Variants in TDRD3 observed in about 807,000 individuals in gnomAD.
TDRD3 encodes tudor domain containing 3.
TDRD3 carries 45 observed loss-of-function variants against 86.7 expected under a neutral mutation model. The observed-to-expected ratio is 0.52, with a 90% CI of 0.41 to 0.67. The LOEUF (loss-of-function observed/expected upper bound fraction) is 0.67, where lower values mean the gene tolerates loss of function less well. Ranked by LOEUF, TDRD3 falls within the 30% of genes least tolerant of loss-of-function variation. The probability of loss-of-function intolerance (pLI) is 0.00; values close to 1 mark genes in which losing one functional copy is unlikely to be tolerated. For missense variants in TDRD3, 814 were observed against 889.0 expected (o/e 0.92, Z 1.07); for synonymous variants, 298 against 301.7 (o/e 0.99, Z 0.13).
At chr13:60,436,861 A>G (rs1331277780) in intron 1 of TDRD3, among the ~76,000 whole-genome samples, 1 of 152,168 alleles carries the variant, frequency 6.6e-6, no homozygotes, top group Non-Finnish European at 1.5e-5. Context: ...AAACTTGAAT[A>G]TCTAATAATT....
upstream of TDRD3, chr13:60,397,187 C>T: frequency 2.4e-6 from 1 of 412,490 alleles, no homozygotes; most frequent in Non-Finnish European, 4.3e-6. Context: ...GAAAACGCGG[C>T]GAGCGGAACC....
chr13:60,572,375 AAG>A (rs1958606540), intron 13 of TDRD3, among the ~76,000 whole-genome samples: 1 of 152,222 alleles, frequency 6.6e-6, no homozygotes, highest in Admixed American at 6.5e-5. Flanking sequence ...ACTTTTGATT[AAG>A]AGAGTGATAT....
chr13:60,514,910 T>C (rs1957135474), intron 10 of TDRD3, among the ~76,000 whole-genome samples: 2 of 152,216 alleles, frequency 1.3e-5, no homozygotes, highest in African/African-American at 4.8e-5. Context: ...TTGTATGTGT[T>C]GTGGGGAATT....
chr13:60,479,085 G>A (rs1445152799), intron 5 of TDRD3, among the ~76,000 whole-genome samples: 1 of 152,064 alleles, frequency 6.6e-6, no homozygotes, highest in Non-Finnish European at 1.5e-5. Context: ...GGGATTAGAG[G>A]CATGAGCCAC....
At chr13:60,458,128 T>C (rs768267915) in intron 3 of TDRD3, among the ~76,000 whole-genome samples, 4 of 152,136 alleles carry the variant, frequency 2.6e-5, no homozygotes, top group Admixed American at 1.3e-4. Flanking sequence ...AAATCGGCAT[T>C]TGGGGGCAGG....
intron 1 of TDRD3, among the ~76,000 whole-genome samples, chr13:60,414,851 T>G (rs771470564): frequency 4.2e-4 from 64 of 152,116 alleles, no homozygotes; most frequent in Non-Finnish European, 7.9e-4. Context: ...TGGACAACTT[T>G]TGGATTCTGT....
intron 10 of TDRD3, among the ~76,000 whole-genome samples, chr13:60,523,002 A>G (rs1957323623): frequency 9.0e-6 from 1 of 110,588 alleles, no homozygotes; most frequent in Non-Finnish European, 2.1e-5. Context: ...GTTGAGGCAC[A>G]TTATTTTTTC....
intron 10 of TDRD3, among the ~76,000 whole-genome samples, chr13:60,518,511 A>T (rs1022720756): frequency 6.6e-6 from 1 of 152,156 alleles, no homozygotes; most frequent in African/African-American, 2.4e-5. Flanking sequence ...CTCACCTAGA[A>T]TTGTGATTTA....
chr13:60,471,652 C>A (rs1956078199), intron 5 of TDRD3, among the ~76,000 whole-genome samples: 1 of 152,046 alleles, frequency 6.6e-6, no homozygotes, highest in Admixed American at 6.6e-5. Flanking sequence ...ATGGGAAGTC[C>A]TTTTCACATT....
At chr13:60,541,146 ATTCTTTCTTTCT>A (rs138633350) in intron 12 of TDRD3, among the ~76,000 whole-genome samples, 20,764 of 149,840 alleles carry the variant, frequency 0.14, 1,503 homozygotes, top group South Asian at 0.2. Flanking sequence ...TTGTTTTTCT[ATTCTTTCTTTCT>A]TTCTTTCTTT....
intron 3 of TDRD3, among the ~76,000 whole-genome samples, chr13:60,455,562 A>G (rs1206553524): frequency 6.6e-6 from 1 of 152,234 alleles, no homozygotes; most frequent in Non-Finnish European, 1.5e-5. Flanking sequence ...TTAAGACTTT[A>G]AGTAGATAAA....
At chr13:60,458,151 T>G (rs752156077) in intron 3 of TDRD3, among the ~76,000 whole-genome samples, 3 of 152,212 alleles carry the variant, frequency 2.0e-5, no homozygotes, top group Non-Finnish European at 4.4e-5. Flanking sequence ...TTCCTCCTTA[T>G]CCTTCATTCC....
At chr13:60,451,631 A>T (rs189624158) in intron 3 of TDRD3, among the ~76,000 whole-genome samples, 13 of 152,302 alleles carry the variant, frequency 8.5e-5, no homozygotes, top group Non-Finnish European at 1.3e-4. Flanking sequence ...TATAAACAGG[A>T]ATGGAACTCT....
chr13:60,400,163 G>A (rs1001705972), intron 1 of TDRD3, among the ~76,000 whole-genome samples: 4 of 152,152 alleles, frequency 2.6e-5, no homozygotes, highest in African/African-American at 7.2e-5. Flanking sequence ...TTAATTATAT[G>A]CATGGAATAA....
intron 1 of TDRD3, among the ~76,000 whole-genome samples, chr13:60,421,783 TG>T (rs1272697662): frequency 6.6e-6 from 1 of 152,112 alleles, no homozygotes; most frequent in East Asian, 1.9e-4. Context: ...GTCCCACTTG[TG>T]GGGCTTTGGT....
intron 10 of TDRD3, among the ~76,000 whole-genome samples, chr13:60,513,811 G>T (rs1461667441): frequency 6.6e-6 from 1 of 152,228 alleles, no homozygotes. Flanking sequence ...CCCTAGTCAT[G>T]TGGAACTATA....
chr13:60,565,104 G>A (rs1958421986), intron 12 of TDRD3, among the ~76,000 whole-genome samples: 1 of 128,664 alleles, frequency 7.8e-6, no homozygotes, highest in Admixed American at 9.4e-5. Context: ...CGCCCAGGCC[G>A]GAGTGCCGTG....
intron 12 of TDRD3, among the ~76,000 whole-genome samples, chr13:60,563,229 AT>A (rs1317366644): frequency 7.8e-6 from 1 of 127,412 alleles, no homozygotes; most frequent in African/African-American, 2.9e-5. Context: ...CTCCATATCA[AT>A]TTAAAAAAAA....
chr13:60,496,601 T>C (rs1039771220), intron 8 of TDRD3, among the ~76,000 whole-genome samples: 1 of 151,998 alleles, frequency 6.6e-6, no homozygotes, highest in African/African-American at 2.4e-5. Flanking sequence ...TCATCACTCA[T>C]GAGAGGCAAG....
Sources: gnomAD v4.1 joint callset for allele counts (sites outside exome capture counted in the v4.1 genomes callset) on GRCh38, gnomAD v4.1.1 for gene constraint, MANE v1.5 for transcripts, NCBI Gene and HGNC (gene_info 2026-07-23, HGNC 2026-07-21) for gene names.